The following SETBP1 variants were observed in gnomAD, a reference collection of about 807,000 sequenced individuals.
SETBP1 encodes the protein SET binding protein 1.
SETBP1 carries 9 observed loss-of-function variants against 101.0 expected under a neutral mutation model. That is an observed-to-expected ratio of 0.09 (90% CI 0.05 to 0.16). The LOEUF (loss-of-function observed/expected upper bound fraction) is 0.16, where lower values mean the gene tolerates loss of function less well. SETBP1 is among the 10% of genes least tolerant of loss of function. The pLI, the probability that SETBP1 is intolerant of heterozygous loss-of-function variation, is 1.00. For synonymous variants in SETBP1, 818 were observed against 788.5 expected (o/e 1.04, Z -0.63); for missense variants, 1,858 against 2,033.8 (o/e 0.91, Z 1.66).
intron 4 of SETBP1, among the ~76,000 whole-genome samples, chr18:45,021,186 A>G (rs946455914): frequency 2.6e-5 from 4 of 152,262 alleles, no homozygotes; most frequent in African/African-American, 9.6e-5. Context: ...GGTATCTATA[A>G]CTTACTGGAC....
intron 2 of SETBP1, among the ~76,000 whole-genome samples, chr18:44,749,473 A>G (rs1223775765): frequency 2.6e-5 from 4 of 152,188 alleles, no homozygotes; most frequent in Non-Finnish European, 5.9e-5. Flanking sequence ...AAAGGCAACA[A>G]TTAGGAAACC....
intron 4 of SETBP1, among the ~76,000 whole-genome samples, chr18:45,016,574 G>A (rs879852179): frequency 8.5e-5 from 13 of 152,100 alleles, no homozygotes; most frequent in Admixed American, 7.2e-4. Context: ...TGATTCACAC[G>A]TTTTCAGATT....
intron 2 of SETBP1, among the ~76,000 whole-genome samples, chr18:44,811,324 C>T (rs375969588): frequency 1.1e-4 from 17 of 152,266 alleles, no homozygotes; most frequent in Non-Finnish European, 1.8e-4. Context: ...CACATACACA[C>T]GTGCTCACAC....
At chr18:44,886,044 G>A (rs751341331) in intron 3 of SETBP1, among the ~76,000 whole-genome samples, 2 of 151,902 alleles carry the variant, frequency 1.3e-5, no homozygotes, top group Admixed American at 6.6e-5. Flanking sequence ...ACATATAGTC[G>A]GATGGTTTGG....
chr18:44,778,937 G>C (rs930363623), intron 2 of SETBP1, among the ~76,000 whole-genome samples: 1 of 151,584 alleles, frequency 6.6e-6, no homozygotes, highest in Non-Finnish European at 1.5e-5. Context: ...TTCGAGCTGC[G>C]AGCTGAGCAG....
At position 44,701,428 on chromosome 18, in the gene SETBP1, C is replaced by A; in HGVS notation, c.82C>A (p.Pro28Thr). The A allele has an allele frequency of 6.2e-7, 1 of 1,602,460 alleles. No individual in the cohort carries two copies. Among genetic ancestry groups the A allele is most frequent in the African/African-American group, 1.3e-5 (1 of 74,788 alleles). ...DFLPVSSAKP[P>T]AAPGCAGEPL... ...CCTGCCGGTCTCCTCAGCCAAGCCC[C>A]CAGCTGCTCCTGGCTGTGCAGGAGA... The change falls in exon 2 of 6, where the codon CCA (proline) becomes ACA (threonine). Residue 28 changes from proline to threonine, a missense_variant. Pro to Thr is a conservative substitution (Grantham distance 38). Around this residue, in one of 12 missense-constraint regions of SETBP1, gnomAD observed 97 missense variants for 101.2 expected, o/e 0.96. Transcript: ENST00000649279.
intron 4 of SETBP1, among the ~76,000 whole-genome samples, chr18:45,009,634 G>A (rs904757631): frequency 1.3e-5 from 2 of 151,970 alleles, no homozygotes; most frequent in African/African-American, 2.4e-5. Context: ...ACTCAAGTCT[G>A]CATTTGTATG....
chr18:44,783,319 A>G (rs2071173163), intron 2 of SETBP1, among the ~76,000 whole-genome samples: 1 of 152,182 alleles, frequency 6.6e-6, no homozygotes, highest in Non-Finnish European at 1.5e-5. Context: ...TTTTTAGCAG[A>G]ATCTTTCTCA....
chr18:45,003,637 A>G (rs2145343699), intron 4 of SETBP1, among the ~76,000 whole-genome samples: 1 of 151,674 alleles, frequency 6.6e-6, no homozygotes, highest in Admixed American at 6.6e-5. Flanking sequence ...CCAATAAAAG[A>G]CTTCACTTCT....
chr18:45,044,457 G>A (rs184132323), intron 5 of SETBP1, among the ~76,000 whole-genome samples: 7 of 152,280 alleles, frequency 4.6e-5, no homozygotes, highest in Admixed American at 1.3e-4. Context: ...CAAGGGACTC[G>A]GCAGGGTTGG....
intron 4 of SETBP1, among the ~76,000 whole-genome samples, chr18:45,034,529 T>A (rs1018961392): frequency 6.6e-6 from 1 of 151,240 alleles, no homozygotes; most frequent in African/African-American, 2.4e-5. Context: ...TTTCAGAGAC[T>A]TTTTTAAAAA....
At chr18:44,981,653 C>T (rs1196173233) in intron 4 of SETBP1, among the ~76,000 whole-genome samples, 1 of 152,204 alleles carries the variant, frequency 6.6e-6, no homozygotes, top group Non-Finnish European at 1.5e-5. Context: ...TACTGGCTGC[C>T]TTGCCCACAT....
At position 45,031,551 on chromosome 18, in the gene SETBP1, T is replaced by C. The variant is rs2073297743; in HGVS notation, c.4001-6934T>C. 3.9e-5 allele frequency among the ~76,000 whole-genome samples: 6 copies of C among 152,300 alleles called. No individual in the cohort carries two copies. In the South Asian group the frequency reaches 1.2e-3, roughly 32 times the overall value. ...TATTTGCTATATTTTATAGCATGTA[T>C]ACTATACACACTTTAATGGAAAAAA... On this transcript the variant is annotated intron_variant, in intron 4 of 5. Coordinates refer to ENST00000649279, the MANE Select transcript of SETBP1 (RefSeq NM_015559.3).
chr18:44,851,302 G>A (rs561832384), intron 2 of SETBP1, among the ~76,000 whole-genome samples: 50 of 152,316 alleles, frequency 3.3e-4, no homozygotes, highest in African/African-American at 1.2e-3. Context: ...TTGGATGGTA[G>A]TGATGTTTAT....
At chr18:44,704,449 A>G (rs2069177048) in intron 2 of SETBP1, among the ~76,000 whole-genome samples, 1 of 152,138 alleles carries the variant, frequency 6.6e-6, no homozygotes, top group African/African-American at 2.4e-5. Flanking sequence ...ACCCTTGAAA[A>G]CTTTTTAATT....
At chr18:45,012,269 A>G (rs1355091454) in intron 4 of SETBP1, among the ~76,000 whole-genome samples, 2 of 152,194 alleles carry the variant, frequency 1.3e-5, no homozygotes, top group Non-Finnish European at 2.9e-5. Flanking sequence ...AAAAGGATGA[A>G]GGGAAAGTGG....
intron 4 of SETBP1, among the ~76,000 whole-genome samples, chr18:45,035,304 T>G (rs1468888832): frequency 6.6e-6 from 1 of 152,244 alleles, no homozygotes; most frequent in Non-Finnish European, 1.5e-5. Context: ...TTTTTTAATT[T>G]GTTTTTGAAA....
intron 4 of SETBP1, among the ~76,000 whole-genome samples, chr18:44,999,748 TG>T (rs2072577747): frequency 6.6e-6 from 1 of 152,220 alleles, no homozygotes; most frequent in South Asian, 2.1e-4. Context: ...AATTTTTCTG[TG>T]TATGTACAGC....
chr18:44,886,829 A>T (rs1465374300), intron 3 of SETBP1, among the ~76,000 whole-genome samples: 1 of 151,094 alleles, frequency 6.6e-6, no homozygotes, highest in East Asian at 1.9e-4. Context: ...TTGATACCAC[A>T]CAAAGATAAC....
Sources: allele counts gnomAD v4.1 joint callset (sites outside exome capture counted in the v4.1 genomes callset), GRCh38; gene constraint gnomAD v4.1.1; regional missense constraint gnomAD v4.1.1; transcripts MANE v1.5; gene names NCBI Gene and HGNC (gene_info 2026-07-23, HGNC 2026-07-21).